The following RAB38 variants were observed in gnomAD, a reference collection of about 807,000 sequenced individuals.
The protein encoded by RAB38 is ras-related protein Rab-38.
Under a neutral mutation model 18.4 loss-of-function variants are expected in RAB38, and 15 were observed. That is an observed-to-expected ratio of 0.82 (90% CI 0.55 to 1.26). RAB38 has a LOEUF of 1.26. Ranked by LOEUF, RAB38 falls within the 50% of genes most tolerant of loss-of-function variation. RAB38 has a pLI of 0.00. For missense variants in RAB38, 294 were observed against 267.4 expected (o/e 1.10, Z -0.69); for synonymous variants, 101 against 104.4 (o/e 0.97, Z 0.20).
intron 2 of RAB38, among the ~76,000 whole-genome samples, chr11:88,144,274 C>A (rs918807918): frequency 2.6e-5 from 4 of 152,158 alleles, no homozygotes; most frequent in Non-Finnish European, 5.9e-5. Context: ...CAAATTAAGT[C>A]AGTGGAGGTA....
rs34306677 is a variant in RAB38 at position 88,172,621 on chromosome 11, C to T, written c.202+2562G>A. 5.7e-3 allele frequency among the ~76,000 whole-genome samples: 873 copies of T among 152,268 alleles called. 4 individuals are homozygous for T. Among genetic ancestry groups the T allele is most frequent in the African/African-American group, 0.02 (834 of 41,532 alleles). ...ACACACCAGAGTTGAACACTAAGGA[C>T]GGAGAGATGCATTCTTATCTGTGGA... On this transcript the variant is annotated intron_variant, in intron 1 of 2. Transcript: ENST00000243662.
At chr11:87,871,774 T>A in the RAB38 span, among the ~76,000 whole-genome samples, 2 of 151,556 alleles carry the variant, frequency 1.3e-5, no homozygotes, top group African/African-American at 4.8e-5. Context: ...AGTAGAAGCA[T>A]ATAATATATG....
chr11:88,080,777 T>C, the RAB38 span, among the ~76,000 whole-genome samples: 1 of 147,726 alleles, frequency 6.8e-6, no homozygotes, highest in South Asian at 2.1e-4. Context: ...AATAACTTAA[T>C]GGAGAATCAT....
chr11:87,891,241 C>T, the RAB38 span, among the ~76,000 whole-genome samples: 1 of 151,788 alleles, frequency 6.6e-6, no homozygotes, highest in East Asian at 2.0e-4. Context: ...TGCTAAAACA[C>T]CAGACATCGA....
intron 1 of RAB38, among the ~76,000 whole-genome samples, chr11:88,164,662 CTTA>C (rs1943228086): frequency 6.6e-6 from 1 of 151,930 alleles, no homozygotes; most frequent in South Asian, 2.1e-4. Context: ...TATTATAACA[CTTA>C]TTAAGTTGTT....
At chr11:88,029,643 A>T in the RAB38 span, among the ~76,000 whole-genome samples, 8 of 152,198 alleles carry the variant, frequency 5.3e-5, no homozygotes, top group African/African-American at 1.9e-4. Flanking sequence ...AGGCCATTAC[A>T]TAATGGTAAA....
the RAB38 span, among the ~76,000 whole-genome samples, chr11:88,046,941 C>T: frequency 0.033 from 5,072 of 152,164 alleles, 225 homozygotes; most frequent in South Asian, 0.075. Context: ...CAGGGCTGTG[C>T]AGGCAGAATT....
the RAB38 span, among the ~76,000 whole-genome samples, chr11:88,025,906 C>A: frequency 6.6e-6 from 1 of 151,934 alleles, no homozygotes; most frequent in Non-Finnish European, 1.5e-5. Flanking sequence ...TTTTTTGTTG[C>A]AGGTGATTTT....
chr11:87,923,264 G>T, the RAB38 span, among the ~76,000 whole-genome samples: 1 of 151,686 alleles, frequency 6.6e-6, no homozygotes, highest in African/African-American at 2.4e-5. Context: ...GGAAAGAGAC[G>T]GTTTCATTTC....
intron 2 of RAB38, among the ~76,000 whole-genome samples, chr11:88,132,006 G>A (rs115005951): frequency 0.012 from 1,902 of 152,238 alleles, 35 homozygotes; most frequent in African/African-American, 0.044. Flanking sequence ...CAACCACAAG[G>A]AACTGAGTTC....
intron 2 of RAB38, among the ~76,000 whole-genome samples, chr11:88,128,499 T>C (rs1344797289): frequency 6.6e-6 from 1 of 152,244 alleles, no homozygotes; most frequent in Non-Finnish European, 1.5e-5. Context: ...CTAGGCCATC[T>C]GGAGGGTAGC....
chr11:87,926,827 T>TC, the RAB38 span, among the ~76,000 whole-genome samples: 1 of 152,052 alleles, frequency 6.6e-6, no homozygotes, highest in African/African-American at 2.4e-5. Flanking sequence ...AGCTCTGTCT[T>TC]CCACCAGGCT....
chr11:88,149,796 G>A lies in RAB38; in HGVS notation c.362C>T (p.Ser121Leu). ...ACATTTGTTGGCCAACAAAACCACTGAAACCGGTTTGCCATTAGGGAGACT... is the reference window on the plus strand; with the variant it reads ...ACATTTGTTGGCCAACAAAACCACTAAAACCGGTTTGCCATTAGGGAGACT... ...KLSLPNGKPV[S>L]VVLLANKCDQ... Residue 121 changes from serine (S) to leucine (L), a missense_variant, in exon 2 of 3, where the codon TCA (serine) becomes TTA (leucine). Ser to Leu is a moderately radical substitution (Grantham distance 145, BLOSUM62 -2). Coordinates refer to ENST00000243662, the MANE Select transcript of RAB38 (RefSeq NM_022337.3). 6.2e-7 allele frequency: 1 copy of A among 1,614,056 alleles called. No individual in the cohort carries two copies. Among genetic ancestry groups the A allele is most frequent in the South Asian group, 1.1e-5 (1 of 91,064 alleles).
At chr11:88,037,779 C>T in the RAB38 span, among the ~76,000 whole-genome samples, 1 of 152,008 alleles carries the variant, frequency 6.6e-6, no homozygotes, top group East Asian at 1.9e-4. Context: ...TTATTAATAG[C>T]TCAGTATTCC....
the RAB38 span, among the ~76,000 whole-genome samples, chr11:87,953,512 A>C: frequency 6.6e-6 from 1 of 152,080 alleles, no homozygotes; most frequent in African/African-American, 2.4e-5. Flanking sequence ...TAACTGTGCT[A>C]TAATAAAATT....
intron 1 of RAB38, among the ~76,000 whole-genome samples, chr11:88,153,821 T>A (rs867454459): frequency 6.6e-6 from 1 of 152,238 alleles, no homozygotes; most frequent in South Asian, 2.1e-4. Context: ...ATTTCTTTTT[T>A]TCCCCCCAAG....
chr11:87,951,457 G>T, the RAB38 span, among the ~76,000 whole-genome samples: 2 of 152,208 alleles, frequency 1.3e-5, no homozygotes, highest in East Asian at 3.9e-4. Context: ...TCCTTTGGAG[G>T]AGGAGAGGCG....
At chr11:88,087,377 G>A in the RAB38 span, among the ~76,000 whole-genome samples, 1 of 152,042 alleles carries the variant, frequency 6.6e-6, no homozygotes, top group South Asian at 2.1e-4. Flanking sequence ...AAACAGATTC[G>A]TTTGACTCAC....
At chr11:88,006,539 A>G in the RAB38 span, among the ~76,000 whole-genome samples, 6 of 149,588 alleles carry the variant, frequency 4.0e-5, no homozygotes, top group African/African-American at 1.5e-4. Context: ...ATATCCATCA[A>G]CAGATTAATG....
Sources: gnomAD v4.1 joint callset for allele counts (sites outside exome capture counted in the v4.1 genomes callset) on GRCh38, gnomAD v4.1.1 for gene constraint, MANE v1.5 for transcripts, NCBI Gene and HGNC (gene_info 2026-07-23, HGNC 2026-07-21) for gene names.